Variants in CCDC171 observed in about 807,000 individuals in gnomAD.
CCDC171 encodes coiled-coil domain containing 171.
CCDC171 carries 177 observed loss-of-function variants against 168.2 expected under a neutral mutation model. That is an observed-to-expected ratio of 1.05 (90% CI 0.93 to 1.19). CCDC171 has a LOEUF of 1.19. CCDC171 is among the 50% of genes most tolerant of loss of function. The pLI is 0.00. For synonymous variants in CCDC171, 687 were observed against 540.8 expected, an observed-to-expected ratio of 1.27 and a Z score of -3.75; for missense variants, 1,991 against 1,539.0, an observed-to-expected ratio of 1.29 and a Z score of -4.91.
intron 16 of CCDC171, among the ~76,000 whole-genome samples, chr9:15,738,777 G>A (rs992438580): frequency 1.3e-5 from 2 of 152,124 alleles, no homozygotes; most frequent in African/African-American, 2.4e-5. Context: ...ATTCTGACAT[G>A]TAGATAAGTT....
intron 3 of CCDC171, among the ~76,000 whole-genome samples, chr9:15,576,478 G>A (rs183851236): frequency 3.3e-5 from 5 of 152,146 alleles, no homozygotes; most frequent in Admixed American, 2.0e-4. Context: ...GTGAGCCACC[G>A]CACCTGGCCA....
chr9:16,058,042 G>GAA (rs201883453), intron 1 of CCDC171, among the ~76,000 whole-genome samples: 21 of 145,850 alleles, frequency 1.4e-4, no homozygotes, highest in African/African-American at 4.3e-4. Context: ...TGAATTTTTT[G>GAA]AAAAAAAAAA....
At chr9:15,590,810 TTTCTTTC>T (rs1241286716) in intron 4 of CCDC171, among the ~76,000 whole-genome samples, 1 of 150,146 alleles carries the variant, frequency 6.7e-6, no homozygotes, top group Non-Finnish European at 1.5e-5. Flanking sequence ...TCTTTCTTTC[TTTCTTTC>T]TTTCTTTCTT....
intron 21 of CCDC171, among the ~76,000 whole-genome samples, chr9:15,804,781 G>A (rs2058996908): frequency 6.6e-6 from 1 of 151,782 alleles, no homozygotes; most frequent in African/African-American, 2.4e-5. Context: ...GTTTATTACT[G>A]GGAGGAATCT....
intron 18 of CCDC171, among the ~76,000 whole-genome samples, chr9:15,774,822 G>C (rs1000742417): frequency 2.0e-5 from 3 of 152,214 alleles, no homozygotes; most frequent in South Asian, 2.1e-4. Flanking sequence ...GATTGAATTG[G>C]AGACCATTAT....
intron 24 of CCDC171, among the ~76,000 whole-genome samples, chr9:15,877,179 GAAACAAACAAAC>G (rs3082868): frequency 6.7e-6 from 1 of 149,956 alleles, no homozygotes; most frequent in African/African-American, 2.5e-5. Flanking sequence ...TTTCTTAGCT[GAAACAAACAAAC>G]AAACAAACAA....
intron 21 of CCDC171, among the ~76,000 whole-genome samples, chr9:15,797,206 T>G (rs2058599656): frequency 6.6e-6 from 1 of 152,234 alleles, no homozygotes; most frequent in Non-Finnish European, 1.5e-5. Flanking sequence ...TCAAACCATG[T>G]GATATTTGAT....
chr9:15,902,245 C>CATAT (rs944291659), intron 24 of CCDC171, among the ~76,000 whole-genome samples: 6 of 107,494 alleles, frequency 5.6e-5, no homozygotes, highest in African/African-American at 2.6e-4. Flanking sequence ...CTATAAAATT[C>CATAT]ATATATATAT....
chr9:15,974,395 C>G (rs553082775), downstream of CCDC171, among the ~76,000 whole-genome samples: 1 of 152,250 alleles, frequency 6.6e-6, no homozygotes, highest in South Asian at 2.1e-4. Context: ...GTTGCTGTAT[C>G]AGCTTCTTTA....
chr9:15,628,940 G>A (rs1221148526), intron 7 of CCDC171, among the ~76,000 whole-genome samples: 3 of 152,210 alleles, frequency 2.0e-5, no homozygotes, highest in Non-Finnish European at 4.4e-5. Context: ...TGGACCTCTA[G>A]CAAACTCCAG....
chr9:15,808,816 TG>T (rs1174947951), intron 21 of CCDC171, among the ~76,000 whole-genome samples: 1 of 152,046 alleles, frequency 6.6e-6, no homozygotes, highest in Non-Finnish European at 1.5e-5. Flanking sequence ...TTTGGGCTGC[TG>T]TACCAAAATA....
chr9:15,658,143 A>G lies in CCDC171; in HGVS notation c.915+924A>G, dbSNP rs147888981. Among the ~76,000 whole-genome samples the G allele has an allele frequency of 2.2e-4, 33 of 152,316 alleles. No individual in the cohort carries two copies. The East Asian group carries it at 6.2e-3, about 28-fold the overall frequency. ...GCCACTAAATAAAATGTACTTGTTT[A>G]TTTTTGAGGAATACTTGCAGTGTTG... is the stretch of plus-strand genomic sequence containing the variant. On this transcript the variant is annotated intron_variant, in intron 8 of 25. Coordinates refer to ENST00000380701, the MANE Select transcript of CCDC171 (RefSeq NM_173550.4).
chr9:15,610,355 C>G (rs1232031819), intron 6 of CCDC171, among the ~76,000 whole-genome samples: 2 of 147,662 alleles, frequency 1.4e-5, no homozygotes, highest in African/African-American at 2.5e-5. Context: ...GCCTGTAATC[C>G]CAGCACTTTG....
At chr9:15,829,617 A>G (rs1263781385) in intron 21 of CCDC171, among the ~76,000 whole-genome samples, 4 of 152,146 alleles carry the variant, frequency 2.6e-5, no homozygotes, top group African/African-American at 7.2e-5. Context: ...TTCATATTAT[A>G]TATGCTAAAA....
the CCDC171 span, among the ~76,000 whole-genome samples, chr9:16,090,950 A>G: frequency 7.2e-5 from 11 of 152,258 alleles, no homozygotes; most frequent in African/African-American, 2.2e-4. Flanking sequence ...CTCTGACCAT[A>G]TCTTTTTTCC....
At chr9:16,033,032 C>T (rs1051543778) in intron 6 of CCDC171, among the ~76,000 whole-genome samples, 1 of 152,136 alleles carries the variant, frequency 6.6e-6, no homozygotes, top group Admixed American at 6.5e-5. Flanking sequence ...CAGAGGAGGG[C>T]ACCCAAACCA....
intron 9 of CCDC171, among the ~76,000 whole-genome samples, chr9:15,674,384 A>G (rs1287682951): frequency 1.3e-5 from 2 of 151,822 alleles, no homozygotes; most frequent in African/African-American, 2.4e-5. Flanking sequence ...GATCTTATCT[A>G]TTTCTTGCCT....
intron 23 of CCDC171, among the ~76,000 whole-genome samples, chr9:15,852,079 C>T (rs966448016): frequency 5.3e-5 from 8 of 151,704 alleles, no homozygotes; most frequent in Non-Finnish European, 1.5e-5. Flanking sequence ...GGTCTGTTTT[C>T]ACTTCTCTTG....
intron 6 of CCDC171, among the ~76,000 whole-genome samples, chr9:15,615,378 G>A (rs2044005837): frequency 6.6e-6 from 1 of 152,054 alleles, no homozygotes; most frequent in South Asian, 2.1e-4. Flanking sequence ...TTGTGTGTTT[G>A]TATGTGTCTA....
Sources: gnomAD v4.1 joint callset for allele counts (sites outside exome capture counted in the v4.1 genomes callset) on GRCh38, gnomAD v4.1.1 for gene constraint, MANE v1.5 for transcripts, NCBI Gene and HGNC (gene_info 2026-07-23, HGNC 2026-07-21) for gene names.